PSD3: variants seen among roughly 807,000 people sequenced by gnomAD.
The protein encoded by PSD3 is PH and SEC7 domain-containing protein 3.
In PSD3, 49 loss-of-function variants were observed where a neutral mutation model predicts 105.5. The observed-to-expected ratio is 0.46, with a 90% CI of 0.37 to 0.59. The LOEUF is 0.59. PSD3 is among the 20% of genes least tolerant of loss of function. The probability of loss-of-function intolerance (pLI) is 0.00; values close to 1 mark genes in which losing one functional copy is unlikely to be tolerated. For missense variants in PSD3, 1,561 were observed against 1,263.8 expected (o/e 1.24, Z -3.57); for synonymous variants, 557 against 457.8 (o/e 1.22, Z -2.77).
chr8:18,817,044 T>C (rs1341599362), intron 4 of PSD3, among the ~76,000 whole-genome samples: 1 of 152,118 alleles, frequency 6.6e-6, no homozygotes, highest in South Asian at 2.1e-4. Context: ...AGATGGCGTT[T>C]GGTAAGTTTT....
At chr8:18,540,301 A>T (rs924671217) in intron 15 of PSD3, among the ~76,000 whole-genome samples, 2 of 152,234 alleles carry the variant, frequency 1.3e-5, no homozygotes, top group African/African-American at 2.4e-5. Flanking sequence ...CAACTTTTAT[A>T]TGCACTGGGA....
rs539523752 is a variant in PSD3 at position 19,056,806 on chromosome 8, A to C, written c.324+27400T>G. On this transcript the variant is annotated intron_variant, in intron 1 of 1. Transcript: ENST00000521475. ...ATAAGTGAACAAAGACAAAAGTAAA[A>C]AGAAATAGAGATAAAAAGAATACAA... 2.6e-5 allele frequency among the ~76,000 whole-genome samples: 4 copies of C among 152,332 alleles called. No homozygotes were observed. In the South Asian group the frequency reaches 6.2e-4, roughly 24 times the overall value.
intron 1 of PSD3, 122 bp downstream of exon 1, chr8:19,013,441 G>T: frequency 7.2e-7 from 1 of 1,380,768 alleles, no homozygotes; most frequent in Non-Finnish European, 9.9e-7. Flanking sequence ...TATCCAGACA[G>T]CACAAACCCA....
chr8:19,079,999 C>T (rs1243532430), intron 1 of PSD3, among the ~76,000 whole-genome samples: 1 of 150,740 alleles, frequency 6.6e-6, no homozygotes, highest in African/African-American at 2.4e-5. Flanking sequence ...AAGCGATTCT[C>T]CTGCCTTAGA....
chr8:18,686,225 C>T (rs1800654875), intron 9 of PSD3, among the ~76,000 whole-genome samples: 1 of 152,180 alleles, frequency 6.6e-6, no homozygotes, highest in African/African-American at 2.4e-5. Context: ...CACCTAATAC[C>T]TTACAGAAGC....
chr8:18,958,445 T>C (rs1012083274), intron 1 of PSD3, among the ~76,000 whole-genome samples: 1 of 152,238 alleles, frequency 6.6e-6, no homozygotes, highest in Non-Finnish European at 1.5e-5. Flanking sequence ...AATATCTATT[T>C]ATTTACTTTT....
In PSD3 at chr8:18,528,995, G is replaced by C. The variant is rs1799531889; in HGVS notation, c.*6748C>G. On this transcript the variant is annotated 3_prime_UTR_variant, in exon 16 of 16. Transcript: ENST00000327040. ...TCTTACCAGTAAAGCTCAGAGGGGA[G>C]TGTGGACAAGGCACATCAGTGCTCC... The C allele has an allele frequency of 6.6e-6, 1 of 152,220 alleles. No homozygotes were observed. The highest frequency in any genetic ancestry group is 2.4e-5 in the African/African-American group (1 of 41,450). The allele number at this position is 152,220 out of a possible 1,614,324, so 9.4% of individuals were successfully genotyped here.
chr8:18,840,492 ATAGT>A (rs143844572), intron 4 of PSD3, among the ~76,000 whole-genome samples: 5,710 of 151,172 alleles, frequency 0.038, 112 homozygotes, highest in Admixed American at 0.069. Context: ...GACAAAAACG[ATAGT>A]TAGTGTGTAC....
At chr8:18,974,052 A>G (rs1824795672) in intron 1 of PSD3, among the ~76,000 whole-genome samples, 1 of 152,210 alleles carries the variant, frequency 6.6e-6, no homozygotes, top group African/African-American at 2.4e-5. Flanking sequence ...AATACAAATG[A>G]TAAAATAACT....
intron 4 of PSD3, among the ~76,000 whole-genome samples, chr8:18,860,078 T>C (rs936648474): frequency 2.6e-5 from 4 of 152,124 alleles, no homozygotes; most frequent in African/African-American, 9.7e-5. Flanking sequence ...TTCCTTTCAT[T>C]TGAACATTTA....
At chr8:19,070,369 CAA>C (rs10561436) in intron 1 of PSD3, among the ~76,000 whole-genome samples, 43,578 of 133,478 alleles carry the variant, frequency 0.33, 7,107 homozygotes, top group East Asian at 0.53. Context: ...ATGTCATGTG[CAA>C]AAAAAAAAAA....
At chr8:18,656,002 T>C (rs528400948) in intron 9 of PSD3, among the ~76,000 whole-genome samples, 75 of 152,218 alleles carry the variant, frequency 4.9e-4, no homozygotes, top group African/African-American at 1.7e-3. Context: ...ATTTCTCATA[T>C]TGAAAATATG....
At chr8:18,984,202 A>AATG (rs1256172938) in intron 1 of PSD3, among the ~76,000 whole-genome samples, 4 of 149,778 alleles carry the variant, frequency 2.7e-5, no homozygotes, top group Non-Finnish European at 5.9e-5. Flanking sequence ...AAATAATAAT[A>AATG]ATAATAATAA....
chr8:18,814,874 T>A (rs185177748), intron 4 of PSD3, among the ~76,000 whole-genome samples: 1 of 152,194 alleles, frequency 6.6e-6, no homozygotes, highest in African/African-American at 2.4e-5. Flanking sequence ...TCAGTGTATA[T>A]GCACTGGACA....
intron 1 of PSD3, among the ~76,000 whole-genome samples, chr8:18,968,890 A>AC (rs2129471810): frequency 6.6e-6 from 1 of 151,160 alleles, no homozygotes; most frequent in African/African-American, 2.4e-5. Context: ...AAAAAAAAAA[A>AC]AAAAAAAAAA....
intron 1 of PSD3, among the ~76,000 whole-genome samples, chr8:19,083,382 C>T (rs1440634460): frequency 6.6e-6 from 1 of 152,154 alleles, no homozygotes; most frequent in Non-Finnish European, 1.5e-5. Flanking sequence ...GTGTGAGATG[C>T]TAACAACAAG....
At chr8:18,777,847 A>G (rs1379993984) in intron 8 of PSD3, among the ~76,000 whole-genome samples, 1 of 152,104 alleles carries the variant, frequency 6.6e-6, no homozygotes, top group Non-Finnish European at 1.5e-5. Flanking sequence ...TTTACTCTCT[A>G]TGTCCATGAT....
chr8:18,645,845 C>T (rs1485742932), intron 10 of PSD3, among the ~76,000 whole-genome samples: 2 of 152,148 alleles, frequency 1.3e-5, no homozygotes, highest in Admixed American at 1.3e-4. Flanking sequence ...ATTATTCCTT[C>T]TTTGTAGTCA....
In PSD3 at chr8:18,913,634, C is replaced by T. The variant is rs1280076583; in HGVS notation, c.130+22400G>A. Among the ~76,000 whole-genome samples, 3 of 152,122 alleles carry T rather than the reference C, an allele frequency of 2.0e-5. No homozygotes were observed. In the East Asian group the frequency reaches 5.8e-4, roughly 29 times the overall value. On this transcript the variant is annotated intron_variant, in intron 2 of 15. Transcript: ENST00000327040. Reference sequence around the variant, plus strand: ...ACGAACCCAGGACCCAGGCCCATCCCTAGGGACCCAGTCTCCAGGCAGGAC... The same window carrying T: ...ACGAACCCAGGACCCAGGCCCATCCTTAGGGACCCAGTCTCCAGGCAGGAC...
Sources: gnomAD v4.1 joint callset for allele counts (sites outside exome capture counted in the v4.1 genomes callset) on GRCh38, gnomAD v4.1.1 for gene constraint, MANE v1.5 for transcripts, NCBI Gene and HGNC (gene_info 2026-07-23, HGNC 2026-07-21) for gene names.